Variants in OPN1SW observed in about 807,000 individuals in gnomAD.
OPN1SW encodes opsin 1, short wave sensitive, also known as short-wave-sensitive opsin 1.
A neutral mutation model predicts 31.9 loss-of-function variants in OPN1SW; 25 were observed. The observed-to-expected ratio is 0.78, with a 90% confidence interval of 0.57 to 1.09. The LOEUF is 1.09. Among genes scored for constraint, OPN1SW ranks in the 50% least tolerant of loss-of-function variants. OPN1SW has a pLI of 0.00. For synonymous variants in OPN1SW, 190 were observed against 171.9 expected, an observed-to-expected ratio of 1.11 and a Z score of -0.82; for missense variants, 424 against 448.0, an observed-to-expected ratio of 0.95 and a Z score of 0.48.
chr7:128,773,418 A>G (rs1801675116), intron 4 of OPN1SW, among the ~76,000 whole-genome samples: 1 of 152,118 alleles, frequency 6.6e-6, no homozygotes, highest in Non-Finnish European at 1.5e-5. Flanking sequence ...CTTTGGAGCA[A>G]CTTCATTTTC....
intron 4 of OPN1SW, among the ~76,000 whole-genome samples, 178 bp from the exon 5 acceptor site, chr7:128,772,837 T>C (rs779623213): frequency 2.0e-5 from 3 of 152,208 alleles, no homozygotes; most frequent in Admixed American, 1.3e-4. Context: ...CTAGAACTAC[T>C]CCTGGGTCTA....
chr7:128,773,939 G>C, intron 3 of OPN1SW, 51 bp from the exon 4 acceptor site: 1 of 1,520,738 alleles, frequency 6.6e-7, no homozygotes. Flanking sequence ...TGGCCCTCTG[G>C]ATGCTTTTTT....
rs1562888272 is a variant in OPN1SW, at chr7:128,774,515, G to A, written c.661C>T (p.Leu221=). The A allele has an allele frequency of 6.2e-7, 1 of 1,613,948 alleles. No homozygotes were observed. Among genetic ancestry groups the A allele is most frequent in the East Asian group, 2.2e-5 (1 of 44,876 alleles). ...SLICFSYTQL[L]RALKAVAAQQ... is the part of the protein sequence containing the mutation. ...CCACTCACAGCTTTCAGGGCCCTCA[G>A]CAGCTGAGTGTAGGAGAAGCAGATG... The change falls in exon 3 of 5, where the codon CTG becomes TTG. Residue 221 remains leucine (L), a synonymous_variant. Coordinates refer to ENST00000249389, the MANE Select transcript of OPN1SW (RefSeq NM_001385125.1).
chr7:128,775,615 G>A lies in OPN1SW; in HGVS notation c.167C>T (p.Thr56Ile). The change falls in exon 1 of 5, where the codon ACA becomes ATA. Residue 56 changes from threonine to isoleucine, a missense_variant. Physicochemically the swap from Thr to Ile is moderately conservative, Grantham distance 89 (BLOSUM62 -1). Transcript: ENST00000249389. Reference sequence around the variant, plus strand: ...CTGCCGCAACTTTTTGTAGCGCAGTGTGGCCACCAGCACCATGGCATTGAG... The same window carrying A: ...CTGCCGCAACTTTTTGTAGCGCAGTATGGCCACCAGCACCATGGCATTGAG... ...FPLNAMVLVA[T>I]LRYKKLRQPL... The A allele has an allele frequency of 2.5e-6, 4 of 1,614,200 alleles. No homozygotes were observed. Among genetic ancestry groups the A allele is most frequent in the Non-Finnish European group, 3.4e-6 (4 of 1,180,034 alleles).
In OPN1SW at chr7:128,773,749, C is replaced by T. The variant is rs375615377; in HGVS notation, c.818G>A (p.Arg273His). ...AAGCCGTAAGTCCAGCCCATGGTTA[C>T]GGTTGTTGACCATGTACATGGCGAA... The part of the protein sequence containing the change: ...AAFAMYMVNN[R>H]NHGLDLRLVT... The change falls in exon 4 of 5, where the codon CGT becomes CAT. Residue 273 changes from arginine to histidine, a missense_variant. Transcript: ENST00000249389. 30 of 1,614,052 alleles carry T rather than the reference C, an allele frequency of 1.9e-5. No individual in the cohort carries two copies. Among genetic ancestry groups the T allele is most frequent in the Middle Eastern group, 1.6e-4 (1 of 6,084 alleles).
chr7:128,774,476 C>T, intron 3 of OPN1SW, 22 bp downstream of exon 3: 2 of 1,613,252 alleles, frequency 1.2e-6, no homozygotes, highest in Admixed American at 1.7e-5. Context: ...CCCTTCTTCC[C>T]TGACTATCAA....
In OPN1SW at chr7:128,775,056, G is replaced by A. The variant is rs1184679332; in HGVS notation, c.442C>T (p.Leu148=). 9.3e-6 allele frequency: 15 copies of A among 1,614,230 alleles called. No individual in the cohort carries two copies. The highest frequency in any genetic ancestry group is 1.3e-5 in the Non-Finnish European group (15 of 1,180,040). The change falls in exon 2 of 5, where the codon CTG becomes TTG. Residue 148 remains leucine, a synonymous_variant. Transcript: ENST00000249389. ...GTCCAGGTAGCCAGGACCACCGTCAGTGCATGCTTGGAGCTGAAGCGGAAG... is the reference window on the plus strand; with the variant it reads ...GTCCAGGTAGCCAGGACCACCGTCAATGCATGCTTGGAGCTGAAGCGGAAG... The part of the protein sequence containing the change: ...GNFRFSSKHA[L]TVVLATWTIG...
chr7:128,772,726 T>A, intron 4 of OPN1SW, 67 bp from the exon 5 acceptor site: 1 of 1,602,536 alleles, frequency 6.2e-7, no homozygotes, highest in Non-Finnish European at 8.5e-7. Flanking sequence ...AAGACCTTAT[T>A]CTCTGTATCA....
rs1585029348 is a variant in OPN1SW, at chr7:128,775,669, A to T, written c.113T>A (p.Met38Lys). The T allele has an allele frequency of 1.2e-6, 2 of 1,614,072 alleles. No homozygotes were observed. Among genetic ancestry groups the T allele is most frequent in the South Asian group, 1.1e-5 (1 of 91,086 alleles). ...GAACCCTATAAGGAAGACAGTGCCC[A>T]TGAAAGCTGCCTGGAGGTAGAAGGC... is the stretch of plus-strand genomic sequence containing the variant. ...VWAFYLQAAF[M>K]GTVFLIGFPL... The change falls in exon 1 of 5, where the codon ATG becomes AAG. Residue 38 changes from methionine (M) to lysine (K), a missense_variant. By Grantham distance (95) the Met-to-Lys change is moderately conservative. Coordinates refer to ENST00000249389, the MANE Select transcript of OPN1SW (RefSeq NM_001385125.1).
In OPN1SW at chr7:128,774,545, A is replaced by T; in HGVS notation, c.631T>A (p.Ser211Thr). ...LFIFCFIVPL[S>T]LICFSYTQLL... ...TGAGTGTAGGAGAAGCAGATGAGGG[A>T]GAGAGGCACAATGAAGCAGAAGATG... Residue 211 changes from serine to threonine, a missense_variant, in exon 3 of 5, where the codon TCC becomes ACC. Transcript: ENST00000249389. The T allele has an allele frequency of 6.2e-7, 1 of 1,614,040 alleles. No homozygotes were observed. The highest frequency in any genetic ancestry group is 8.5e-7 in the Non-Finnish European group (1 of 1,180,014).
Position 128,773,902 on chromosome 7 carries a change from C to T in OPN1SW, c.679-14G>A, listed in dbSNP as rs761929389. 7.6e-5 allele frequency: 122 copies of T among 1,606,112 alleles called. No individual in the cohort carries two copies. The highest frequency in any genetic ancestry group is 7.4e-4 in the Admixed American group (44 of 59,854). ...CTGAGCTGCAACCTGGGGTGGAGCA[C>T]GGAAAGCATCACATCTCTCTTTTTC... On this transcript the variant is annotated splice_polypyrimidine_tract_variant and intron_variant, in intron 3 of 4. Transcript: ENST00000249389.
chr7:128,775,752 T>A lies in OPN1SW; in HGVS notation c.30A>T (p.Lys10Asn). The change falls in exon 1 of 5, where the codon AAA becomes AAT. Residue 10 changes from lysine (K) to asparagine (N), a missense_variant. Physicochemically the swap from Lys to Asn is moderately conservative, Grantham distance 94 (BLOSUM62 0). Transcript: ENST00000249389. The part of the protein sequence containing the change: MSEEEFYLF[K>N]NISSVGPWDG... ...CCCACGGCCCCACTGAAGAGATATT[T>A]TTGAACAGATAAAACTCTTCCTCCG... 6.2e-7 allele frequency: 1 copy of A among 1,614,108 alleles called. No homozygotes were observed. Among genetic ancestry groups the A allele is most frequent in the Non-Finnish European group, 8.5e-7 (1 of 1,180,028 alleles).
chr7:128,772,616 G>C lies in OPN1SW; in HGVS notation c.962C>G (p.Thr321Arg). The C allele has an allele frequency of 6.2e-7, 1 of 1,614,156 alleles. No individual in the cohort carries two copies. The highest frequency in any genetic ancestry group is 8.5e-7 in the Non-Finnish European group (1 of 1,180,002). The change falls in exon 5 of 5, where the codon ACA becomes AGA. Residue 321 changes from threonine to arginine, a missense_variant. By Grantham distance (71) the Thr-to-Arg change is moderately conservative (BLOSUM62 -1). Coordinates refer to ENST00000249389, the MANE Select transcript of OPN1SW (RefSeq NM_001385125.1). ...GGAGCTGCATGTGTCGGATTCATCT[G>C]TCATGGCCTTCCCACACACCATCTT... is the stretch of plus-strand genomic sequence containing the variant. ...IMKMVCGKAM[T>R]DESDTCSSQK...
chr7:128,775,386 C>T, intron 1 of OPN1SW, 53 bp downstream of exon 1: 1 of 1,542,712 alleles, frequency 6.5e-7, no homozygotes, highest in Non-Finnish European at 8.9e-7. Flanking sequence ...GGAACCCCCT[C>T]CAGTGGAGTA....
Position 128,773,903 on chromosome 7 carries a change from G to A in OPN1SW, c.679-15C>T, listed in dbSNP as rs145104722. ...TGAGCTGCAACCTGGGGTGGAGCAC[G>A]GAAAGCATCACATCTCTCTTTTTCC... On this transcript the variant is annotated splice_polypyrimidine_tract_variant and intron_variant, in intron 3 of 4. Transcript: ENST00000249389. The A allele has an allele frequency of 2.8e-5, 45 of 1,606,554 alleles. No individual in the cohort carries two copies. Among genetic ancestry groups the A allele is most frequent in the South Asian group, 5.5e-5 (5 of 91,010 alleles).
In OPN1SW at chr7:128,775,732, G is replaced by C. The variant is rs146986222; in HGVS notation, c.50C>G (p.Pro17Arg). The change falls in exon 1 of 5, where the codon CCG (proline) becomes CGG (arginine). Residue 17 changes from proline (P) to arginine (R), a missense_variant. Coordinates refer to ENST00000249389, the MANE Select transcript of OPN1SW (RefSeq NM_001385125.1). ...AATGTGGTACTGAGGCCCATCCCAC[G>C]GCCCCACTGAAGAGATATTTTTGAA... is the stretch of plus-strand genomic sequence containing the variant. ...YLFKNISSVG[P>R]WDGPQYHIAP... is the part of the protein sequence containing the mutation. The C allele has an allele frequency of 3.1e-6, 5 of 1,613,942 alleles. No homozygotes were observed. The African/African-American group carries it at 6.7e-5, about 22-fold the overall frequency.
In OPN1SW at chr7:128,775,419, C is replaced by G. The variant is rs767847284; in HGVS notation, c.343+20G>C. 2 of 1,605,546 alleles carry G rather than the reference C, an allele frequency of 1.2e-6. No homozygotes were observed. Among genetic ancestry groups the G allele is most frequent in the Non-Finnish European group, 1.7e-6 (2 of 1,174,438 alleles). ...GTAGCAACCTTTGCCTTCCCCTAAC[C>G]CCTTTTTCCCCTGCAGTACCTGCTA... On this transcript the variant is annotated intron_variant, in intron 1 of 4. Coordinates refer to ENST00000249389, the MANE Select transcript of OPN1SW (RefSeq NM_001385125.1).
At chr7:128,774,891 G>A in intron 2 of OPN1SW, 95 bp downstream of exon 2, 1 of 1,521,646 alleles carries the variant, frequency 6.6e-7, no homozygotes, top group Non-Finnish European at 9.0e-7. Flanking sequence ...TTTAAAAGTA[G>A]AGGTCAAAGA....
At position 128,774,436 on chromosome 7, in the gene OPN1SW, C is replaced by T. The variant is rs191364408; in HGVS notation, c.678+62G>A. On this transcript the variant is annotated intron_variant, in intron 3 of 4. Transcript: ENST00000249389. ...TTTCCAGGCATCTTATGTTTCAGAGCACTCTTCCTTCTCATGTGGAGCCCC... is the reference window on the plus strand; with the variant it reads ...TTTCCAGGCATCTTATGTTTCAGAGTACTCTTCCTTCTCATGTGGAGCCCC... 6.5e-5 allele frequency: 104 copies of T among 1,598,048 alleles called. No individual in the cohort carries two copies. In the Middle Eastern group the frequency reaches 8.4e-4, roughly 13 times the overall value.
Sources: allele counts gnomAD v4.1 joint callset (sites outside exome capture counted in the v4.1 genomes callset), GRCh38; gene constraint gnomAD v4.1.1; transcripts MANE v1.5; gene names NCBI Gene and HGNC (gene_info 2026-07-23, HGNC 2026-07-21).